Variants in SIPA1L2 observed in about 807,000 individuals in gnomAD.
SIPA1L2 encodes signal-induced proliferation-associated 1-like protein 2.
In SIPA1L2, 56 loss-of-function variants were observed where a neutral mutation model predicts 163.9. The observed-to-expected ratio is 0.34, with a 90% confidence interval of 0.28 to 0.43. SIPA1L2 has a LOEUF of 0.43. SIPA1L2 is among the 20% of genes least tolerant of loss of function. The pLI, the probability that SIPA1L2 is intolerant of heterozygous loss-of-function variation, is 1.00. For missense variants in SIPA1L2, 1,974 were observed against 2,193.5 expected (o/e 0.90, Z 2.00); for synonymous variants, 877 against 865.7 (o/e 1.01, Z -0.23).
At chr1:232,473,985 T>C (rs1399582852) in intron 7 of SIPA1L2, among the ~76,000 whole-genome samples, 1 of 152,260 alleles carries the variant, frequency 6.6e-6, no homozygotes, top group Non-Finnish European at 1.5e-5. Flanking sequence ...ATAAGTAATT[T>C]CTTGAACTTC....
At chr1:232,608,048 A>AAAAAAAAAAAAAC (rs1662043529) in intron 1 of SIPA1L2, among the ~76,000 whole-genome samples, 2 of 20,722 alleles carry the variant, frequency 9.7e-5, no homozygotes, top group African/African-American at 3.0e-4. Context: ...ACTCCATCTC[A>AAAAAAAAAAAAAC]AAAAAAAAAA....
intron 2 of SIPA1L2, among the ~76,000 whole-genome samples, chr1:232,537,499 T>A (rs991517220): frequency 6.6e-6 from 1 of 151,512 alleles, no homozygotes; most frequent in Admixed American, 6.6e-5. Flanking sequence ...AAAAAAAAAA[T>A]GAAGCAACAA....
intron 19 of SIPA1L2, among the ~76,000 whole-genome samples, chr1:232,408,434 G>T (rs1287714365): frequency 6.6e-6 from 1 of 151,978 alleles, no homozygotes; most frequent in Non-Finnish European, 1.5e-5. Flanking sequence ...TAGATTTCTG[G>T]TTAAAAGGTG....
At chr1:232,519,771 A>G (rs1378487554) in intron 2 of SIPA1L2, among the ~76,000 whole-genome samples, 8 of 152,206 alleles carry the variant, frequency 5.3e-5, no homozygotes, top group African/African-American at 1.9e-4. Context: ...TCCTCATTGT[A>G]CATGTATATG....
intron 16 of SIPA1L2, among the ~76,000 whole-genome samples, chr1:232,431,833 A>C (rs1662262360): frequency 6.6e-6 from 1 of 152,218 alleles, no homozygotes; most frequent in Non-Finnish European, 1.5e-5. Context: ...AACTAAAAGG[A>C]AAATTGGAAG....
intron 19 of SIPA1L2, among the ~76,000 whole-genome samples, chr1:232,408,012 C>T (rs1366746972): frequency 6.6e-6 from 1 of 152,074 alleles, no homozygotes; most frequent in African/African-American, 2.4e-5. Context: ...TTATCAGGTA[C>T]CCCCAAACTT....
At chr1:232,588,266 T>C (rs1660775936) in intron 1 of SIPA1L2, among the ~76,000 whole-genome samples, 3 of 152,162 alleles carry the variant, frequency 2.0e-5, no homozygotes, top group Non-Finnish European at 4.4e-5. Context: ...ATATAAACAA[T>C]GGTTATTCCG....
chr1:232,402,680 A>C, intron 21 of SIPA1L2: 1 of 429,078 alleles, frequency 2.3e-6, no homozygotes, highest in Non-Finnish European at 4.2e-6. Context: ...GAGATGCAGA[A>C]ACTCTATAGA....
intron 18 of SIPA1L2, among the ~76,000 whole-genome samples, chr1:232,423,195 C>T (rs746559387): frequency 1.5e-4 from 23 of 152,094 alleles, no homozygotes; most frequent in Non-Finnish European, 2.8e-4. Flanking sequence ...GTGCTGAGTA[C>T]GTTTAAGGTA....
chr1:232,432,528 C>A (rs1662309121), intron 15 of SIPA1L2, 57 bp from the exon 16 acceptor site: 6 of 1,533,144 alleles, frequency 3.9e-6, no homozygotes, highest in Non-Finnish European at 4.5e-6. Context: ...AGTGCTGGCA[C>A]ACGGCCAAAT....
intron 19 of SIPA1L2, among the ~76,000 whole-genome samples, chr1:232,404,528 C>T (rs59048449): frequency 0.014 from 2,143 of 152,208 alleles, 68 homozygotes; most frequent in African/African-American, 0.048. Flanking sequence ...ACTAGAAACC[C>T]TTAAAGGAAG....
chr1:232,528,102 A>ATATATATATATATATATATATATATATAT (rs34779799), intron 2 of SIPA1L2, among the ~76,000 whole-genome samples: 109 of 118,404 alleles, frequency 9.2e-4, no homozygotes, highest in Middle Eastern at 0.01. Context: ...ATATATATAT[A>ATATATATATATATATATATATATATATAT]ATCAACTTTC....
chr1:232,505,914 A>T (rs1250682022), intron 3 of SIPA1L2, among the ~76,000 whole-genome samples: 2 of 152,162 alleles, frequency 1.3e-5, no homozygotes, highest in Non-Finnish European at 2.9e-5. Flanking sequence ...CTCCCTATTA[A>T]TTTTCGTCAA....
intron 2 of SIPA1L2, among the ~76,000 whole-genome samples, chr1:232,564,511 G>A (rs927152484): frequency 1.3e-4 from 19 of 151,934 alleles, no homozygotes; most frequent in African/African-American, 4.6e-4. Context: ...GGCCAGGAGT[G>A]CCACCCTTCT....
At chr1:232,520,676 A>G (rs1667422728) in intron 2 of SIPA1L2, among the ~76,000 whole-genome samples, 1 of 151,674 alleles carries the variant, frequency 6.6e-6, no homozygotes, top group Admixed American at 6.6e-5. Context: ...AAGTATAACT[A>G]TAGTAAAAAA....
rs947951483 is a variant in SIPA1L2 at position 232,399,150 on chromosome 1, T to A, written c.5146A>T (p.Thr1716Ser). 1 of 1,614,004 alleles carries A rather than the reference T, an allele frequency of 6.2e-7. No homozygotes were observed. Among genetic ancestry groups the A allele is most frequent in the Admixed American group, 1.7e-5 (1 of 59,982 alleles). The change falls in exon 23 of 23, where the codon ACC becomes TCC. Residue 1716 changes from threonine (T) to serine (S), a missense_variant. Physicochemically the swap from Thr to Ser is moderately conservative, Grantham distance 58. Around this residue, in one of 3 missense-constraint regions of SIPA1L2, gnomAD observed 1,079 missense variants for 1,150.7 expected, o/e 0.94. Transcript: ENST00000674635. ...QLRKFTEWFF[T>S]TIDKKS The stretch of plus-strand genomic sequence containing the variant: ...GGCTAAGATTTTTTGTCGATGGTGG[T>A]GAAAAACCATTCTGTGAATTTCCGC...
chr1:232,584,558 G>T (rs992807683), intron 1 of SIPA1L2, among the ~76,000 whole-genome samples: 2 of 152,060 alleles, frequency 1.3e-5, no homozygotes, highest in African/African-American at 4.8e-5. Flanking sequence ...TGTATCTTTG[G>T]GTCTTCATTC....
chr1:232,452,539 A>G (rs936824296), intron 10 of SIPA1L2, among the ~76,000 whole-genome samples: 6 of 151,956 alleles, frequency 3.9e-5, no homozygotes, highest in Admixed American at 3.9e-4. Context: ...TTCCAACAAC[A>G]CCTTGAGTTT....
intron 2 of SIPA1L2, among the ~76,000 whole-genome samples, chr1:232,518,530 GC>G (rs1339019301): frequency 6.6e-6 from 1 of 152,090 alleles, no homozygotes; most frequent in Non-Finnish European, 1.5e-5. Context: ...TCTACGCCCT[GC>G]CCCAGACATA....
Sources: gnomAD v4.1 joint callset for allele counts (sites outside exome capture counted in the v4.1 genomes callset) on GRCh38, gnomAD v4.1.1 for gene constraint, gnomAD v4.1.1 regional missense constraint, MANE v1.5 for transcripts, NCBI Gene and HGNC (gene_info 2026-07-23, HGNC 2026-07-21) for gene names.